FRMD5: variants seen among roughly 807,000 people sequenced by gnomAD.
FRMD5 encodes FERM domain-containing protein 5.
A neutral mutation model predicts 69.0 loss-of-function variants in FRMD5; 20 were observed. The ratio of observed to expected loss-of-function variants is 0.29; its 90% CI spans 0.20 to 0.42. The LOEUF is 0.42. Among genes scored for constraint, FRMD5 ranks in the 10% least tolerant of loss-of-function variants. The probability of loss-of-function intolerance (pLI) is 1.00; values close to 1 mark genes in which losing one functional copy is unlikely to be tolerated. For synonymous variants in FRMD5, 271 were observed against 260.1 expected, an observed-to-expected ratio of 1.04 and a Z score of -0.40; for missense variants, 595 against 708.6, an observed-to-expected ratio of 0.84 and a Z score of 1.82.
At chr15:44,005,788 C>G (rs1368897004) in intron 1 of FRMD5, among the ~76,000 whole-genome samples, 15 of 152,112 alleles carry the variant, frequency 9.9e-5, no homozygotes, top group Admixed American at 9.8e-4. Context: ...CCACCCCCAC[C>G]AGATCCAATC....
chr15:43,901,043 G>A (rs1384557318), intron 7 of FRMD5, among the ~76,000 whole-genome samples: 1 of 152,170 alleles, frequency 6.6e-6, no homozygotes, highest in African/African-American at 2.4e-5. Context: ...AAGTTAAACT[G>A]AGGTCATTAG....
chr15:44,092,829 G>A (rs950327277), intron 1 of FRMD5, among the ~76,000 whole-genome samples: 2 of 151,432 alleles, frequency 1.3e-5, no homozygotes, highest in Admixed American at 6.6e-5. Flanking sequence ...AAAGTCTTTC[G>A]CTGACCCCAC....
intron 1 of FRMD5, among the ~76,000 whole-genome samples, chr15:44,032,167 T>C (rs1891712694): frequency 6.6e-6 from 1 of 152,196 alleles, no homozygotes; most frequent in African/African-American, 2.4e-5. Flanking sequence ...AGATAGAAAC[T>C]GGACCCCTTC....
intron 1 of FRMD5, among the ~76,000 whole-genome samples, chr15:44,123,277 A>C (rs1265658684): frequency 6.6e-6 from 1 of 151,998 alleles, no homozygotes; most frequent in Non-Finnish European, 1.5e-5. Context: ...CCCGGGAGGC[A>C]CAGGTTGCGG....
chr15:44,105,092 T>C (rs1187021261), intron 1 of FRMD5, among the ~76,000 whole-genome samples: 3 of 150,488 alleles, frequency 2.0e-5, no homozygotes, highest in African/African-American at 7.3e-5. Context: ...TTTTCTTTTT[T>C]TTTTTTTTTT....
intron 1 of FRMD5, among the ~76,000 whole-genome samples, chr15:44,180,708 C>A (rs2077983812): frequency 6.6e-6 from 1 of 152,124 alleles, no homozygotes; most frequent in Non-Finnish European, 1.5e-5. Flanking sequence ...TCGCTTGAAC[C>A]TGGGAGGCAG....
At chr15:43,888,767 A>G (rs2088723840) in intron 9 of FRMD5, 42 bp downstream of exon 9, 1 of 1,555,930 alleles carries the variant, frequency 6.4e-7, no homozygotes, top group South Asian at 1.1e-5. Flanking sequence ...GAAGCATCCC[A>G]TCACCCCAGC....
At chr15:43,928,789 T>C (rs1219518864) in intron 1 of FRMD5, among the ~76,000 whole-genome samples, 1 of 152,226 alleles carries the variant, frequency 6.6e-6, no homozygotes, top group Non-Finnish European at 1.5e-5. Flanking sequence ...CCATTGATTA[T>C]ACCGGAGAAA....
chr15:43,984,614 C>T (rs114642350), intron 1 of FRMD5, among the ~76,000 whole-genome samples: 1,702 of 152,316 alleles, frequency 0.011, 24 homozygotes, highest in African/African-American at 0.038. Context: ...AAAAGAAAAT[C>T]ACCACAGGAG....
chr15:44,097,974 G>C (rs1214113556), intron 1 of FRMD5, among the ~76,000 whole-genome samples: 1 of 152,056 alleles, frequency 6.6e-6, no homozygotes, highest in East Asian at 1.9e-4. Context: ...AATGTAAAAT[G>C]TCATCTTCTT....
chr15:43,908,086 G>A (rs2089214036), intron 5 of FRMD5, among the ~76,000 whole-genome samples: 1 of 152,158 alleles, frequency 6.6e-6, no homozygotes, highest in African/African-American at 2.4e-5. Context: ...GGTCAGGCCA[G>A]GCTTTCTCTT....
chr15:43,996,205 G>A (rs573173394), intron 1 of FRMD5, among the ~76,000 whole-genome samples: 96 of 152,310 alleles, frequency 6.3e-4, no homozygotes, highest in African/African-American at 2.2e-3. Context: ...GAGCAGGCCT[G>A]GAGCCTGGGG....
chr15:44,095,874 C>T (rs1421813832), intron 1 of FRMD5, among the ~76,000 whole-genome samples: 1 of 152,136 alleles, frequency 6.6e-6, no homozygotes, highest in Non-Finnish European at 1.5e-5. Flanking sequence ...CACTTCCATC[C>T]TTAACAGACT....
chr15:43,977,216 G>C (rs915918629), intron 1 of FRMD5, among the ~76,000 whole-genome samples: 9 of 152,248 alleles, frequency 5.9e-5, no homozygotes, highest in East Asian at 1.9e-4. Context: ...GATGTGGTAA[G>C]GGCCAGGCTT....
At chr15:44,064,419 C>T (rs1307220477) in intron 1 of FRMD5, 2 of 152,650 alleles carry the variant, frequency 1.3e-5, no homozygotes, top group Non-Finnish European at 2.9e-5. Context: ...TGAGAAACCC[C>T]GTCCCTACTA....
At position 44,160,446 on chromosome 15, in the gene FRMD5, T is replaced by C. The variant is rs138166136; in HGVS notation, c.102+34507A>G. 4.0e-3 allele frequency among the ~76,000 whole-genome samples: 602 copies of C among 152,350 alleles called. 5 individuals are homozygous for C. Among genetic ancestry groups the C allele is most frequent in the African/African-American group, 0.014 (563 of 41,576 alleles). ...GAGAGGGACGGATAAGTTGTAATCA[T>C]TTTGAAATGCAAATGGAACCTCTTG... is the stretch of plus-strand genomic sequence containing the variant. On this transcript the variant is annotated intron_variant, in intron 1 of 13. Coordinates refer to ENST00000417257, the MANE Select transcript of FRMD5 (RefSeq NM_032892.5).
chr15:44,006,266 T>C (rs1566894074), intron 1 of FRMD5, among the ~76,000 whole-genome samples: 1 of 152,210 alleles, frequency 6.6e-6, no homozygotes, highest in South Asian at 2.1e-4. Context: ...GTTTACAGCA[T>C]GGTTTACAGA....
At chr15:43,882,873 C>T (rs1248732560) in intron 13 of FRMD5, among the ~76,000 whole-genome samples, 1 of 151,982 alleles carries the variant, frequency 6.6e-6, no homozygotes, top group South Asian at 2.1e-4. Flanking sequence ...AATCTGGGCT[C>T]ACTGCAGCCT....
At chr15:43,933,278 T>C (rs1395436099) in intron 1 of FRMD5, among the ~76,000 whole-genome samples, 1 of 152,178 alleles carries the variant, frequency 6.6e-6, no homozygotes, top group African/African-American at 2.4e-5. Context: ...GGCAGACAGC[T>C]AGCTCACTCA....
Sources: allele counts gnomAD v4.1 joint callset (sites outside exome capture counted in the v4.1 genomes callset), GRCh38; gene constraint gnomAD v4.1.1; transcripts MANE v1.5; gene names NCBI Gene and HGNC (gene_info 2026-07-23, HGNC 2026-07-21).